UST: variants seen among roughly 807,000 people sequenced by gnomAD.
UST encodes uronyl 2-sulfotransferase.
Under a neutral mutation model 45.6 loss-of-function variants are expected in UST, and 21 were observed. The observed-to-expected ratio is 0.46, with a 90% CI of 0.33 to 0.66. UST has a LOEUF of 0.66. Among genes scored for constraint, UST ranks in the 30% least tolerant of loss-of-function variants. UST has a pLI of 0.02. For synonymous variants in UST, 215 were observed against 200.6 expected (o/e 1.07, Z -0.61); for missense variants, 463 against 512.4 (o/e 0.90, Z 0.93).
At position 148,781,950 on chromosome 6, in the gene UST, C is replaced by T. The variant is rs370062691; in HGVS notation, c.247+34273C>T. Among the ~76,000 whole-genome samples the T allele has an allele frequency of 2.0e-5, 3 of 152,310 alleles. No homozygotes were observed. In the East Asian group the frequency reaches 5.8e-4, roughly 29 times the overall value. On this transcript the variant is annotated intron_variant, in intron 1 of 7. Coordinates refer to ENST00000367463, the MANE Select transcript of UST (RefSeq NM_005715.3). Reference sequence around the variant, plus strand: ...AAGGTCACTGCTCATTGACAATGTACCTAGTCACTCAAGGTCTCTGATGGA... The same window carrying T: ...AAGGTCACTGCTCATTGACAATGTATCTAGTCACTCAAGGTCTCTGATGGA...
chr6:148,993,623 G>A (rs1372243977), intron 5 of UST, among the ~76,000 whole-genome samples: 1 of 152,178 alleles, frequency 6.6e-6, no homozygotes, highest in Non-Finnish European at 1.5e-5. Context: ...TGGAGGTGGG[G>A]CCTGGTGGGA....
intron 7 of UST, among the ~76,000 whole-genome samples, chr6:149,038,938 A>G (rs547044742): frequency 2.1e-4 from 32 of 152,358 alleles, no homozygotes; most frequent in Middle Eastern, 3.4e-3. Flanking sequence ...AAACAGAAAA[A>G]CAATGAAAAA....
chr6:148,957,045 A>C (rs774518022), intron 4 of UST, among the ~76,000 whole-genome samples: 2 of 152,204 alleles, frequency 1.3e-5, no homozygotes, highest in Non-Finnish European at 2.9e-5. Flanking sequence ...GAGCAGGGCC[A>C]AGAGGAACTG....
rs1171362844 is a variant in UST, at chr6:148,748,007, AGTGT to A, written c.247+335_247+338del. The stretch of plus-strand genomic sequence containing the variant: ...TGGATGGGTGTGTGGGGTGTGCCGG[AGTGT>A]GTGTATCTTCAGGCCTGGCGGCGCG... On this transcript the variant is annotated intron_variant, in intron 1 of 7. Transcript: ENST00000367463. This position sits in a 1 kb window ranked among gnomAD's most constrained non-coding sequence, Gnocchi z 5.3. Among the ~76,000 whole-genome samples the A allele has an allele frequency of 6.6e-6, 1 of 151,888 alleles. No individual in the cohort carries two copies. Among genetic ancestry groups the A allele is most frequent in the Non-Finnish European group, 1.5e-5 (1 of 67,960 alleles).
rs371430419 is a variant in UST at position 148,878,589 on chromosome 6, C to T, written c.248-8397C>T. Among the ~76,000 whole-genome samples, 353 of 45,234 alleles carry T rather than the reference C, an allele frequency of 7.8e-3. 7 individuals are homozygous for T. Among genetic ancestry groups the T allele is most frequent in the African/African-American group, 0.031 (313 of 10,158 alleles). 29.7% of individuals were successfully genotyped at this position (45,234 alleles called of 152,430 possible). A position where few individuals can be genotyped will look rare whatever the true frequency, so the allele number is the denominator to read the frequency against. On this transcript the variant is annotated intron_variant, in intron 1 of 7. Transcript: ENST00000367463. The stretch of plus-strand genomic sequence containing the variant: ...TGAGTAGGGGGGTCGTGTATGAGTG[C>T]GGGGGTCGTGTATTAGTGTGGGTGT...
At chr6:149,039,969 T>A (rs535444814) in intron 7 of UST, among the ~76,000 whole-genome samples, 3 of 152,340 alleles carry the variant, frequency 2.0e-5, no homozygotes, top group South Asian at 4.1e-4. Context: ...CAGAACAGCA[T>A]GTAAAGCATG....
intron 7 of UST, among the ~76,000 whole-genome samples, chr6:149,041,280 T>A (rs1299746747): frequency 6.6e-6 from 1 of 152,222 alleles, no homozygotes; most frequent in Non-Finnish European, 1.5e-5. Flanking sequence ...CAGGAGGAGT[T>A]GGAACCTGCT....
intron 1 of UST, among the ~76,000 whole-genome samples, chr6:148,822,766 C>T (rs1015407190): frequency 2.6e-5 from 4 of 152,072 alleles, no homozygotes; most frequent in African/African-American, 9.7e-5. Flanking sequence ...AAGGATAAAA[C>T]GTTACTTTTG....
chr6:149,044,233 C>T (rs990051101), intron 7 of UST, among the ~76,000 whole-genome samples: 2 of 152,034 alleles, frequency 1.3e-5, no homozygotes, highest in African/African-American at 4.8e-5. Flanking sequence ...TAAACATTTC[C>T]CTCTGTTCAG....
intron 1 of UST, among the ~76,000 whole-genome samples, chr6:148,762,533 A>ACCTTTT (rs1406385569): frequency 6.9e-6 from 1 of 144,188 alleles, no homozygotes. Flanking sequence ...GCAGGCTTCT[A>ACCTTTT]TCTTTTTTTT....
chr6:149,045,190 T>C (rs1776380558), intron 7 of UST, among the ~76,000 whole-genome samples: 1 of 152,206 alleles, frequency 6.6e-6, no homozygotes, highest in South Asian at 2.1e-4. Context: ...CTATAAGCAG[T>C]AGCATTAGCT....
chr6:148,859,253 G>C (rs1456423148), intron 1 of UST, among the ~76,000 whole-genome samples: 1 of 152,200 alleles, frequency 6.6e-6, no homozygotes, highest in Non-Finnish European at 1.5e-5. Flanking sequence ...TGATGATGAG[G>C]ATATTTTCAT....
intron 5 of UST, among the ~76,000 whole-genome samples, chr6:148,982,063 A>G (rs1781146871): frequency 6.6e-6 from 1 of 151,018 alleles, no homozygotes; most frequent in Non-Finnish European, 1.5e-5. Flanking sequence ...TGAAAAAGGC[A>G]GAAGGGCAAG....
intron 5 of UST, among the ~76,000 whole-genome samples, chr6:149,010,998 C>CAAAAAATG (rs1435292817): frequency 6.7e-6 from 1 of 148,852 alleles, no homozygotes; most frequent in Non-Finnish European, 1.5e-5. Flanking sequence ...TGAATGACTT[C>CAAAAAATG]AAAAAATGTT....
At chr6:148,949,375 G>A (rs900468499) in intron 3 of UST, among the ~76,000 whole-genome samples, 1 of 147,194 alleles carries the variant, frequency 6.8e-6, no homozygotes, top group African/African-American at 2.5e-5. Context: ...TCCAGCCTGG[G>A]CAGCAGAGAC....
chr6:148,819,235 A>T (rs1777411238), intron 1 of UST, among the ~76,000 whole-genome samples: 1 of 152,204 alleles, frequency 6.6e-6, no homozygotes, highest in Non-Finnish European at 1.5e-5. Context: ...GATAATAATG[A>T]AATGCAAAGC....
chr6:149,005,708 C>G (rs1775671720), intron 5 of UST: 2 of 763,920 alleles, frequency 2.6e-6, no homozygotes, highest in Non-Finnish European at 3.2e-6. Context: ...AGCTTGATAA[C>G]TTATTTATTT....
intron 1 of UST, among the ~76,000 whole-genome samples, chr6:148,760,402 G>A (rs1419531116): frequency 2.0e-5 from 3 of 152,202 alleles, no homozygotes; most frequent in Non-Finnish European, 2.9e-5. Context: ...GCTCCAGTGG[G>A]TAAGAGGGTT....
intron 2 of UST, among the ~76,000 whole-genome samples, chr6:148,937,052 C>T (rs1477276670): frequency 3.3e-5 from 5 of 152,036 alleles, no homozygotes; most frequent in African/African-American, 9.7e-5. Flanking sequence ...CTTGTTAACA[C>T]TGTATCCAAC....
Sources: allele counts gnomAD v4.1 joint callset (sites outside exome capture counted in the v4.1 genomes callset), GRCh38; gene constraint gnomAD v4.1.1; non-coding constraint Gnocchi (gnomAD v3.1); transcripts MANE v1.5; gene names NCBI Gene and HGNC (gene_info 2026-07-23, HGNC 2026-07-21).